The following MIB1 variants were observed in gnomAD, a reference collection of about 807,000 sequenced individuals.
The protein encoded by MIB1 is MIB E3 ubiquitin protein ligase 1.
Under a neutral mutation model 124.5 loss-of-function variants are expected in MIB1, and 278 were observed. The observed-to-expected ratio is 2.23, with a 90% confidence interval of 2.02 to 2.47. The LOEUF is 2.47. Among genes scored for constraint, MIB1 ranks in the 30% most tolerant of loss-of-function variants. The probability of loss-of-function intolerance (pLI) is 0.00; values close to 1 mark genes in which losing one functional copy is unlikely to be tolerated. For synonymous variants in MIB1, 446 were observed against 429.4 expected (o/e 1.04, Z -0.48); for missense variants, 957 against 1,254.4 (o/e 0.76, Z 3.58).
chr18:21,746,774 C>G (rs2040917038), intron 1 of MIB1, among the ~76,000 whole-genome samples: 1 of 152,090 alleles, frequency 6.6e-6, no homozygotes, highest in Non-Finnish European at 1.5e-5. Flanking sequence ...TCAAAACCAG[C>G]TTCTGGTCAT....
rs1269270521 is a variant in MIB1 at position 21,858,637 on chromosome 18, T to G, written c.2871T>G (p.Ile957Met). The G allele has an allele frequency of 6.5e-7, 1 of 1,540,716 alleles. No homozygotes were observed. Among genetic ancestry groups the G allele is most frequent in the South Asian group, 1.1e-5 (1 of 89,316 alleles). Residue 957 changes from isoleucine (I) to methionine (M), a missense_variant, in exon 20 of 21, where the codon ATT becomes ATG. By Grantham distance (10) the Ile-to-Met change is conservative. Transcript: ENST00000261537. ...AGTTGCAGCAACAGTTACAAGACAT[T>G]AAAGAGCAGGTAATAATGATTTCAT... ...VQKLQQQLQD[I>M]KEQTMCPVCL...
chr18:21,710,943 C>T (rs560700307), intron 1 of MIB1, among the ~76,000 whole-genome samples: 10 of 150,042 alleles, frequency 6.7e-5, no homozygotes, highest in African/African-American at 2.2e-4. Flanking sequence ...TCTCCTGCAT[C>T]AGCCTCCCAA....
intron 4 of MIB1, among the ~76,000 whole-genome samples, chr18:21,776,345 G>C (rs769423063): frequency 6.6e-6 from 1 of 151,882 alleles, no homozygotes; most frequent in South Asian, 2.1e-4. Context: ...GACAGTAAAA[G>C]ATGCTATAAA....
At chr18:21,824,163 A>G (rs2041904609) in intron 12 of MIB1, among the ~76,000 whole-genome samples, 1 of 152,202 alleles carries the variant, frequency 6.6e-6, no homozygotes, top group Non-Finnish European at 1.5e-5. Flanking sequence ...TAGAAATTGA[A>G]TGTGAAAAGT....
chr18:21,810,844 C>T (rs2041765294), intron 10 of MIB1, among the ~76,000 whole-genome samples: 1 of 151,954 alleles, frequency 6.6e-6, no homozygotes, highest in African/African-American at 2.4e-5. Flanking sequence ...TTGGATATGA[C>T]ACCAAAAGTA....
chr18:21,766,739 C>T (rs1157880091), intron 2 of MIB1, among the ~76,000 whole-genome samples: 2 of 151,732 alleles, frequency 1.3e-5, no homozygotes, highest in African/African-American at 2.4e-5. Flanking sequence ...ATAATAAAGA[C>T]ACTGTAAAAA....
intron 1 of MIB1, among the ~76,000 whole-genome samples, chr18:21,706,576 C>T (rs555281174): frequency 2.0e-5 from 3 of 152,290 alleles, no homozygotes; most frequent in South Asian, 2.1e-4. Context: ...GCGGGAGTTC[C>T]GGGTGGGTGT....
intron 6 of MIB1, among the ~76,000 whole-genome samples, chr18:21,786,221 C>T (rs531163103): frequency 1.5e-4 from 23 of 152,128 alleles, no homozygotes; most frequent in African/African-American, 4.3e-4. Context: ...CTCAGCCTCC[C>T]GAGTAGCTGG....
intron 12 of MIB1, among the ~76,000 whole-genome samples, chr18:21,821,509 G>A (rs954546498): frequency 9.2e-5 from 14 of 151,360 alleles, no homozygotes; most frequent in Admixed American, 7.2e-4. Context: ...TATCTTAACC[G>A]TCTTTCTTCC....
At chr18:21,817,506 T>C (rs941394156) in intron 11 of MIB1, 2 of 193,370 alleles carry the variant, frequency 1.0e-5, no homozygotes, top group Non-Finnish European at 2.2e-5. Context: ...TAGTGGCTTA[T>C]TGGCTTTTGC....
In MIB1 at chr18:21,779,653, T is replaced by C; in HGVS notation, c.876T>C (p.His292=). Residue 292 remains histidine (H), a synonymous_variant, in exon 6 of 21, where the codon CAT becomes CAC. Coordinates refer to ENST00000261537, the MANE Select transcript of MIB1 (RefSeq NM_020774.4). ...TGTVCGIDED[H]DIVVQYPSGN... ...CTGTTTGTGGCATTGATGAAGATCA[T>C]GACATTGTAGTACAGTATCCAAGTG... 1 of 1,614,124 alleles carries C rather than the reference T, an allele frequency of 6.2e-7. No individual in the cohort carries two copies. Among genetic ancestry groups the C allele is most frequent in the Non-Finnish European group, 8.5e-7 (1 of 1,179,964 alleles).
intron 6 of MIB1, among the ~76,000 whole-genome samples, chr18:21,782,469 ACTG>A (rs1324308990): frequency 1.9e-4 from 29 of 152,158 alleles, no homozygotes; most frequent in Non-Finnish European, 1.9e-4. Context: ...CCCTCTTACT[ACTG>A]CTTTTTCTGT....
Position 21,765,860 on chromosome 18 carries a change from T to A in MIB1, c.318T>A (p.Tyr106Ter). 6.2e-7 allele frequency: 1 copy of A among 1,614,192 alleles called. No homozygotes were observed. Among genetic ancestry groups the A allele is most frequent in the Non-Finnish European group, 8.5e-7 (1 of 1,180,004 alleles). Residue 106 changes from tyrosine (Y) to a stop codon, truncating the protein, a stop_gained, in exon 2 of 21, where the codon TAT (tyrosine) becomes TAA (stop). Transcript: ENST00000261537. LOFTEE classifies it high-confidence loss of function. ...GGAAGTGTGCAGAGTGTACAAATTA[T>A]GATTTGTGCACAGTGTGTTATCATG... ...IRWKCAECTN[Y>*]DLCTVCYHGD... is the part of the protein sequence containing the mutation.
chr18:21,856,980 T>G (rs2042234612), intron 18 of MIB1, 150 bp from the exon 19 acceptor site: 1 of 608,906 alleles, frequency 1.6e-6, no homozygotes, highest in South Asian at 2.1e-5. Flanking sequence ...CTTAGGTTGA[T>G]AACATTTTAA....
Position 21,846,978 on chromosome 18 carries a change from A to G in MIB1, c.2246A>G (p.Lys749Arg), listed in dbSNP as rs761643355. ...GGACTTGGTACCCAGGGGGCAGAGA[A>G]GAAGAGTGCAGCATCTATTGCCTGT... The part of the protein sequence containing the change: ...IMGLGTQGAE[K>R]KSAASIACFL... Residue 749 changes from lysine to arginine, a missense_variant, in exon 16 of 21, where the codon AAG becomes AGG. Coordinates refer to ENST00000261537, the MANE Select transcript of MIB1 (RefSeq NM_020774.4). The G allele has an allele frequency of 2.5e-6, 4 of 1,614,146 alleles. No homozygotes were observed. The highest frequency in any genetic ancestry group is 2.2e-5 in the East Asian group (1 of 44,880).
rs185856771 is a variant in MIB1 at position 21,726,014 on chromosome 18, T to C, written n.167+20891T>C. ...AAACAGTTTGTTTTCAAGTGTGGAG[T>C]GGTCATATGAAACACTTCAGAGATG... On this transcript the variant is annotated intron_variant and non_coding_transcript_variant, in intron 1 of 20. Coordinates refer to the MIB1 transcript ENST00000578646. Among the ~76,000 whole-genome samples the C allele has an allele frequency of 2.7e-3, 405 of 152,012 alleles. 2 individuals carry two copies. Among genetic ancestry groups the C allele is most frequent in the African/African-American group, 8.7e-3 (362 of 41,430 alleles).
chr18:21,749,241 A>G (rs2040946533), intron 1 of MIB1, among the ~76,000 whole-genome samples: 1 of 152,190 alleles, frequency 6.6e-6, no homozygotes, highest in Non-Finnish European at 1.5e-5. Context: ...CCATATAGGT[A>G]TGCCATATGT....
chr18:21,754,079 C>G (rs946824579), intron 1 of MIB1, among the ~76,000 whole-genome samples: 3 of 152,210 alleles, frequency 2.0e-5, no homozygotes, highest in Admixed American at 6.5e-5. Flanking sequence ...CTGTATTTCT[C>G]CTTTGCCAGT....
At chr18:21,753,682 T>C (rs1442094771) in intron 1 of MIB1, among the ~76,000 whole-genome samples, 1 of 151,872 alleles carries the variant, frequency 6.6e-6, no homozygotes, top group Admixed American at 6.6e-5. Flanking sequence ...TTTCTTTCTT[T>C]CGTTTTTTTT....
Sources: gnomAD v4.1 joint callset for allele counts (sites outside exome capture counted in the v4.1 genomes callset) on GRCh38, gnomAD v4.1.1 for gene constraint, MANE v1.5 for transcripts, NCBI Gene and HGNC (gene_info 2026-07-23, HGNC 2026-07-21) for gene names.